GPRIN3: variants seen among roughly 807,000 people sequenced by gnomAD.
GPRIN3 encodes the protein G protein-regulated inducer of neurite outgrowth 3.
GPRIN3 carries 12 observed loss-of-function variants against 13.7 expected under a neutral mutation model. The ratio of observed to expected loss-of-function variants is 0.87; its 90% CI spans 0.56 to 1.42. GPRIN3 has a LOEUF of 1.42. GPRIN3 is among the 40% of genes most tolerant of loss of function. GPRIN3 has a pLI of 0.00. For synonymous variants in GPRIN3, 377 were observed against 372.7 expected (o/e 1.01, Z -0.13); for missense variants, 1,009 against 958.7 (o/e 1.05, Z -0.69).
At chr4:89,278,831 A>G (rs1437543307) in intron 1 of GPRIN3, among the ~76,000 whole-genome samples, 1 of 152,078 alleles carries the variant, frequency 6.6e-6, no homozygotes, top group Non-Finnish European at 1.5e-5. Context: ...CTTAGGCACT[A>G]CAGCCTGTCC....
chr4:89,251,727 A>G (rs1238071528), intron 1 of GPRIN3, among the ~76,000 whole-genome samples: 1 of 152,210 alleles, frequency 6.6e-6, no homozygotes, highest in Non-Finnish European at 1.5e-5. Context: ...TTTGTAAAAC[A>G]ATGACCTAAA....
intron 1 of GPRIN3, among the ~76,000 whole-genome samples, chr4:89,300,794 A>G (rs72872601): frequency 1.8e-3 from 278 of 152,278 alleles, no homozygotes; most frequent in African/African-American, 6.2e-3. Context: ...AACAAGAACA[A>G]TCACCCATAC....
chr4:89,277,233 G>A (rs545179393), intron 1 of GPRIN3, among the ~76,000 whole-genome samples: 232 of 152,270 alleles, frequency 1.5e-3, no homozygotes, highest in Middle Eastern at 3.4e-3. Context: ...GGTAACCATA[G>A]TGGCCAGTAT....
At chr4:89,282,836 A>T (rs1451031060) in intron 1 of GPRIN3, among the ~76,000 whole-genome samples, 1 of 152,150 alleles carries the variant, frequency 6.6e-6, no homozygotes, top group Non-Finnish European at 1.5e-5. Context: ...ACTATGAATC[A>T]CAGTCTCAGA....
chr4:89,295,550 G>A (rs2110019908), intron 1 of GPRIN3, among the ~76,000 whole-genome samples: 1 of 152,286 alleles, frequency 6.6e-6, no homozygotes, highest in South Asian at 2.1e-4. Flanking sequence ...TGATGATGAA[G>A]AGGGGGAGAT....
rs950961373 is a variant in GPRIN3 at position 89,241,356 on chromosome 4, TACG to T, written c.*6421_*6423del. ...TACAGAAATTGGCCTTTAAATGGGA[TACG>T]ACAAGTTATTTTTTTTACACATAAA... On this transcript the variant is annotated 3_prime_UTR_variant, in exon 2 of 2. Coordinates refer to ENST00000609438, the MANE Select transcript of GPRIN3 (RefSeq NM_198281.3). The T allele has an allele frequency of 1.3e-5, 2 of 152,262 alleles. No homozygotes were observed. The highest frequency in any genetic ancestry group is 2.4e-5 in the African/African-American group (1 of 41,560). 9.4% of individuals were successfully genotyped at this position (152,262 alleles called of 1,614,324 possible).
At chr4:89,300,052 G>A (rs892807898) in intron 1 of GPRIN3, among the ~76,000 whole-genome samples, 4 of 152,056 alleles carry the variant, frequency 2.6e-5, no homozygotes, top group African/African-American at 9.7e-5. Flanking sequence ...AACAGACTAC[G>A]TTAACTCAAT....
At chr4:89,304,345 T>C (rs904745758) in intron 1 of GPRIN3, among the ~76,000 whole-genome samples, 1 of 152,186 alleles carries the variant, frequency 6.6e-6, no homozygotes, top group Admixed American at 6.5e-5. Context: ...TCAGACTTTT[T>C]GGAAAATGAT....
intron 1 of GPRIN3, among the ~76,000 whole-genome samples, chr4:89,265,878 G>A (rs1475512901): frequency 6.6e-6 from 1 of 152,102 alleles, no homozygotes; most frequent in African/African-American, 2.4e-5. Context: ...AATATAGTTT[G>A]TAACTAAAAT....
chr4:89,283,070 C>A (rs560316591), intron 1 of GPRIN3, among the ~76,000 whole-genome samples: 2 of 152,224 alleles, frequency 1.3e-5, no homozygotes, highest in South Asian at 4.1e-4. Flanking sequence ...ATAGCCAAGG[C>A]CTTTAGTGTT....
In GPRIN3 at chr4:89,245,780, A is replaced by G. The variant is rs1055167886; in HGVS notation, c.*2000T>C. Reference sequence around the variant, plus strand: ...AGAAGTGACACGAACACAACTACAAATGGGTATTTAAGGCCCAAAGAGAGA... The same window carrying G: ...AGAAGTGACACGAACACAACTACAAGTGGGTATTTAAGGCCCAAAGAGAGA... On this transcript the variant is annotated 3_prime_UTR_variant, in exon 2 of 2. Transcript: ENST00000609438. The G allele has an allele frequency of 5.9e-5, 9 of 152,236 alleles. No homozygotes were observed. Among genetic ancestry groups the G allele is most frequent in the African/African-American group, 2.2e-4 (9 of 41,462 alleles). The allele number at this position is 152,236 out of a possible 1,614,324, so 9.4% of individuals were successfully genotyped here.
intron 1 of GPRIN3, among the ~76,000 whole-genome samples, chr4:89,282,336 G>A (rs1724275642): frequency 6.6e-6 from 1 of 152,134 alleles, no homozygotes; most frequent in African/African-American, 2.4e-5. Context: ...AATATCCTTT[G>A]TAAACAATAA....
intron 1 of GPRIN3, among the ~76,000 whole-genome samples, chr4:89,281,750 G>T: frequency 6.6e-6 from 1 of 152,074 alleles, no homozygotes; most frequent in Non-Finnish European, 1.5e-5. Context: ...CCAGTTTGTG[G>T]TATTTTGTTA....
At chr4:89,291,611 G>A (rs1462166595) in intron 1 of GPRIN3, among the ~76,000 whole-genome samples, 1 of 152,146 alleles carries the variant, frequency 6.6e-6, no homozygotes, top group East Asian at 1.9e-4. Flanking sequence ...CATTTTTGGA[G>A]ATTATGAATA....
chr4:89,285,087 T>G (rs763182017), intron 1 of GPRIN3, among the ~76,000 whole-genome samples: 7 of 151,982 alleles, frequency 4.6e-5, no homozygotes, highest in Non-Finnish European at 8.8e-5. Context: ...CAGACAGCTT[T>G]GACTCCCTAT....
At chr4:89,295,152 C>T (rs113532911) in intron 1 of GPRIN3, among the ~76,000 whole-genome samples, 1,942 of 152,188 alleles carry the variant, frequency 0.013, 47 homozygotes, top group South Asian at 0.078. Flanking sequence ...TCAAAACGAC[C>T]CAAGAATTAG....
At chr4:89,263,698 G>C (rs1261517716) in intron 1 of GPRIN3, among the ~76,000 whole-genome samples, 1 of 152,146 alleles carries the variant, frequency 6.6e-6, no homozygotes, top group Non-Finnish European at 1.5e-5. Flanking sequence ...ATTGTCATTT[G>C]TCAGATTCTG....
chr4:89,296,021 C>T (rs1207562098), intron 1 of GPRIN3, among the ~76,000 whole-genome samples: 3 of 152,082 alleles, frequency 2.0e-5, no homozygotes, highest in Non-Finnish European at 4.4e-5. Context: ...CATATTTCTA[C>T]ATTTAAATAA....
intron 1 of GPRIN3, among the ~76,000 whole-genome samples, chr4:89,264,249 A>AT (rs1723724611): frequency 6.6e-6 from 1 of 152,126 alleles, no homozygotes; most frequent in Non-Finnish European, 1.5e-5. Context: ...GAGCTGATAG[A>AT]TAAAAAGAGC....
Sources: gnomAD v4.1 joint callset for allele counts (sites outside exome capture counted in the v4.1 genomes callset) on GRCh38, gnomAD v4.1.1 for gene constraint, MANE v1.5 for transcripts, NCBI Gene and HGNC (gene_info 2026-07-23, HGNC 2026-07-21) for gene names.